The following ALG5 variants were observed in gnomAD, a reference collection of about 807,000 sequenced individuals.
ALG5 encodes dolichyl-phosphate beta-glucosyltransferase.
ALG5 carries 26 observed loss-of-function variants against 51.8 expected under a neutral mutation model. That is an observed-to-expected ratio of 0.50 (90% confidence interval 0.37 to 0.70). The LOEUF (loss-of-function observed/expected upper bound fraction) is 0.70. Among genes scored for constraint, ALG5 ranks in the 30% least tolerant of loss-of-function variants. The pLI is 0.00. For missense variants in ALG5, 311 were observed against 399.3 expected (o/e 0.78, Z 1.88); for synonymous variants, 141 against 136.1 (o/e 1.04, Z -0.25).
At chr13:36,963,636 A>G (rs1164743263) in intron 8 of ALG5, among the ~76,000 whole-genome samples, 1 of 152,248 alleles carries the variant, frequency 6.6e-6, no homozygotes, top group Non-Finnish European at 1.5e-5. Flanking sequence ...ACACATATCT[A>G]AATTTGACAA....
intron 6 of ALG5, among the ~76,000 whole-genome samples, chr13:36,974,353 A>AT (rs1468918167): frequency 2.0e-4 from 31 of 152,350 alleles, no homozygotes; most frequent in African/African-American, 7.5e-4. Flanking sequence ...AAATAAATTT[A>AT]AAAGTGCTCA....
chr13:36,966,517 A>C (rs1257535033), intron 7 of ALG5, among the ~76,000 whole-genome samples: 1 of 152,160 alleles, frequency 6.6e-6, no homozygotes, highest in African/African-American at 2.4e-5. Context: ...AAAATAACAA[A>C]ATTTTTTTTA....
chr13:36,971,065 C>T (rs972546434), intron 7 of ALG5, among the ~76,000 whole-genome samples: 16 of 152,058 alleles, frequency 1.1e-4, no homozygotes. Context: ...AAAGGTTCAA[C>T]CTTTTATTCT....
intron 4 of ALG5, among the ~76,000 whole-genome samples, chr13:36,992,139 C>T (rs1202402496): frequency 6.6e-6 from 1 of 152,210 alleles, no homozygotes. Context: ...TCTTTATTAT[C>T]TAAGCCACTC....
rs2275927 is a variant in ALG5 at position 36,993,798 on chromosome 13, T to C, written c.286-126A>G. On this transcript the variant is annotated intron_variant, in intron 3 of 9. Coordinates refer to ENST00000239891, the MANE Select transcript of ALG5 (RefSeq NM_013338.5). ...TACATATAAATTTGAATATAAATAT[T>C]AGTGCACAAACCGCATAAAATAAAA... 630 of 724,176 alleles carry C rather than the reference T, an allele frequency of 8.7e-4. 7 individuals carry two copies. In the East Asian group the frequency reaches 0.015, roughly 17 times the overall value. The allele number at this position is 724,176 out of a possible 1,614,324, so 44.9% of individuals were successfully genotyped here.
chr13:36,958,941 A>G (rs1366426338), intron 8 of ALG5, among the ~76,000 whole-genome samples: 1 of 152,084 alleles, frequency 6.6e-6, no homozygotes. Flanking sequence ...CTCCCATTGT[A>G]TGGGAGCTCT....
At position 36,993,568 on chromosome 13, in the gene ALG5, C is replaced by T. The variant is rs1236609299; in HGVS notation, c.354+36G>A. ...CATGTGCAAAATTATTCTCTATTTT[C>T]TAACTATTGTCAATTCTAAAAGCAA... On this transcript the variant is annotated intron_variant, in intron 4 of 9. Transcript: ENST00000239891. The T allele has an allele frequency of 2.6e-6, 4 of 1,564,282 alleles. No individual in the cohort carries two copies. The African/African-American group carries it at 4.1e-5, about 16-fold the overall frequency.
At chr13:36,953,594 A>G (rs1566055890) in intron 8 of ALG5, among the ~76,000 whole-genome samples, 1 of 152,204 alleles carries the variant, frequency 6.6e-6, no homozygotes, top group Non-Finnish European at 1.5e-5. Flanking sequence ...GCACAGTTCA[A>G]ACTTCTAGGG....
chr13:36,977,906 T>A (rs2058960978), intron 6 of ALG5, among the ~76,000 whole-genome samples: 1 of 150,174 alleles, frequency 6.7e-6, no homozygotes. Context: ...TTTTTTTTTT[T>A]AATGGAATCT....
chr13:36,979,896 A>G (rs1392121335), intron 6 of ALG5, among the ~76,000 whole-genome samples: 2 of 151,890 alleles, frequency 1.3e-5, no homozygotes, highest in Non-Finnish European at 2.9e-5. Flanking sequence ...AATACCAAAC[A>G]ATTAACCAGG....
chr13:36,964,848 G>A (rs1332541771), intron 8 of ALG5, among the ~76,000 whole-genome samples: 3 of 151,472 alleles, frequency 2.0e-5, no homozygotes, highest in African/African-American at 7.3e-5. Flanking sequence ...TCACTTGAAC[G>A]CGGGAGGCGG....
At chr13:36,994,841 A>G in intron 3 of ALG5, 148 bp downstream of exon 3, 1 of 670,376 alleles carries the variant, frequency 1.5e-6, no homozygotes, top group Non-Finnish European at 2.6e-6. Flanking sequence ...TGCCGGGCTT[A>G]TGGATAGCAA....
intron 3 of ALG5, among the ~76,000 whole-genome samples, chr13:36,994,094 T>A (rs1388756080): frequency 2.6e-5 from 4 of 152,178 alleles, no homozygotes; most frequent in African/African-American, 9.7e-5. Context: ...TTGGGCCTAT[T>A]TTCTGATTAA....
chr13:36,998,699 C>T (rs1455732265), intron 1 of ALG5: 1 of 152,470 alleles, frequency 6.6e-6, no homozygotes, highest in Non-Finnish European at 1.5e-5. Context: ...CTCTCTCGCT[C>T]ACCCTGCGTC....
chr13:36,966,115 T>C (rs1397179131), intron 7 of ALG5, among the ~76,000 whole-genome samples: 1 of 152,214 alleles, frequency 6.6e-6, no homozygotes, highest in Non-Finnish European at 1.5e-5. Flanking sequence ...TTCCAGGATG[T>C]ATTGACAAAA....
At chr13:36,984,100 A>AT (rs776760270) in intron 6 of ALG5, among the ~76,000 whole-genome samples, 1,617 of 139,884 alleles carry the variant, frequency 0.012, 20 homozygotes, top group African/African-American at 0.028. Context: ...TAGTTCTGTA[A>AT]TTTTTTTTTT....
chr13:36,972,872 A>G (rs8000534), intron 6 of ALG5, among the ~76,000 whole-genome samples: 137,381 of 151,478 alleles, frequency 0.91, 62,481 homozygotes, highest in East Asian at 1. Context: ...GGCGCCTGTA[A>G]TCCCAGCTAC....
At chr13:36,989,956 GTTAATGACTT>G (rs2059018610) in intron 4 of ALG5, among the ~76,000 whole-genome samples, 1 of 152,182 alleles carries the variant, frequency 6.6e-6, no homozygotes, top group African/African-American at 2.4e-5. Context: ...CTTAACACTG[GTTAATGACTT>G]TTGTATTTGT....
chr13:36,999,027 A>C (rs2059068898), intron 1 of ALG5: 1 of 431,788 alleles, frequency 2.3e-6, no homozygotes, highest in Admixed American at 4.4e-5. Context: ...TGAGCACACA[A>C]AGAGATAAGA....
Sources: gnomAD v4.1 joint callset for allele counts (sites outside exome capture counted in the v4.1 genomes callset) on GRCh38, gnomAD v4.1.1 for gene constraint, MANE v1.5 for transcripts, NCBI Gene and HGNC (gene_info 2026-07-23, HGNC 2026-07-21) for gene names.